DNAH14: variants seen among roughly 807,000 people sequenced by gnomAD.
The protein encoded by DNAH14 is axonemal beta dynein heavy chain 14.
A neutral mutation model predicts 520.9 loss-of-function variants in DNAH14; 478 were observed. The observed-to-expected ratio is 0.92, with a 90% CI of 0.85 to 0.99. The LOEUF is 0.99. DNAH14 is among the 50% of genes least tolerant of loss of function. DNAH14 has a pLI of 0.00. For missense variants in DNAH14, 4,831 were observed against 5,234.5 expected (o/e 0.92, Z 2.38); for synonymous variants, 1,581 against 1,757.2 (o/e 0.90, Z 2.51).
chr1:224,970,188 G>C (rs185620940), intron 7 of DNAH14, among the ~76,000 whole-genome samples: 1 of 152,068 alleles, frequency 6.6e-6, no homozygotes, highest in Non-Finnish European at 1.5e-5. Context: ...TTCGGGGGGC[G>C]GCTGTATTTT....
In DNAH14 at chr1:225,381,363, T is replaced by C. The variant is rs1183000356; in HGVS notation, c.12881-20T>C. On this transcript the variant is annotated intron_variant, in intron 80 of 85. Coordinates refer to ENST00000682510, the MANE Select transcript of DNAH14 (RefSeq NM_001367479.1). ...TTTAATCTGTAAAATATCAAAATTT[T>C]ATTTCTTTTTAAAATCCAGATCACG... is the stretch of plus-strand genomic sequence containing the variant. The C allele has an allele frequency of 1.2e-5, 18 of 1,523,608 alleles. No individual in the cohort carries two copies. The highest frequency in any genetic ancestry group is 1.4e-5 in the African/African-American group (1 of 70,920). 94.4% of individuals were successfully genotyped at this position (1,523,608 alleles called of 1,614,324 possible).
intron 25 of DNAH14, 33 bp downstream of exon 25, chr1:225,118,032 G>C (rs573153132): frequency 7.0e-7 from 1 of 1,419,936 alleles, no homozygotes; most frequent in African/African-American, 1.4e-5. Context: ...TTTAGATTCT[G>C]TACAACGTCA....
In DNAH14 at chr1:225,392,365, C is replaced by A; in HGVS notation, c.13405C>A (p.His4469Asn). The A allele has an allele frequency of 6.4e-7, 1 of 1,552,310 alleles. No homozygotes were observed. Among genetic ancestry groups the A allele is most frequent in the South Asian group, 1.2e-5 (1 of 84,064 alleles). ...TGTGGATGCCCTCACCTTCACCCAC[C>A]ATGTGATTTCCAACACCACTGACAA... ...IAVDALTFTH[H>N]VISNTTDKDE... The change falls in exon 84 of 86, where the codon CAT becomes AAT. Residue 4469 changes from histidine (H) to asparagine (N), a missense_variant. Coordinates refer to ENST00000682510, the MANE Select transcript of DNAH14 (RefSeq NM_001367479.1).
intron 21 of DNAH14, among the ~76,000 whole-genome samples, chr1:225,093,736 AC>A (rs916446338): frequency 6.6e-6 from 1 of 152,188 alleles, no homozygotes; most frequent in Non-Finnish European, 1.5e-5. Context: ...AGAAAATGCC[AC>A]AATTTCTGCA....
At chr1:224,974,965 C>T (rs2061718685) in intron 8 of DNAH14, among the ~76,000 whole-genome samples, 1 of 151,982 alleles carries the variant, frequency 6.6e-6, no homozygotes, top group South Asian at 2.1e-4. Context: ...AAGGCCTTTT[C>T]TGCATCTATT....
chr1:225,157,390 G>A (rs1165881926), intron 34 of DNAH14, among the ~76,000 whole-genome samples: 1 of 152,068 alleles, frequency 6.6e-6, no homozygotes, highest in Non-Finnish European at 1.5e-5. Flanking sequence ...GGTTACATTA[G>A]CTATCTTACG....
chr1:225,190,014 AAAATTCATGTGT>A (rs1219212514), intron 37 of DNAH14, among the ~76,000 whole-genome samples: 1 of 151,814 alleles, frequency 6.6e-6, no homozygotes, highest in Non-Finnish European at 1.5e-5. Flanking sequence ...CCCCCCACCC[AAAATTCATGTGT>A]TAAATCTCCA....
At chr1:225,381,677 A>T in intron 81 of DNAH14, 98 bp downstream of exon 81, 14 of 948,878 alleles carry the variant, frequency 1.5e-5, no homozygotes, top group Non-Finnish European at 2.2e-5. Context: ...TGTGTGATGA[A>T]ATATGTAACT....
chr1:225,090,585 A>T (rs369300971), intron 21 of DNAH14, among the ~76,000 whole-genome samples: 1 of 152,154 alleles, frequency 6.6e-6, no homozygotes, highest in African/African-American at 2.4e-5. Flanking sequence ...TGGACAACTG[A>T]TTTTCAACAA....
chr1:225,111,578 T>A (rs2076481172), intron 23 of DNAH14, among the ~76,000 whole-genome samples: 1 of 152,044 alleles, frequency 6.6e-6, no homozygotes, highest in African/African-American at 2.4e-5. Flanking sequence ...TTTTTTTTAA[T>A]CTATTCAGCC....
chr1:224,949,501 GTT>G (rs1346308326), intron 1 of DNAH14, among the ~76,000 whole-genome samples: 1 of 152,006 alleles, frequency 6.6e-6, no homozygotes, highest in Admixed American at 6.6e-5. Flanking sequence ...CTCTTGATTT[GTT>G]TTGTCTGATT....
chr1:225,308,457 A>G lies in DNAH14; in HGVS notation c.9240+47A>G, dbSNP rs766330633. On this transcript the variant is annotated intron_variant, in intron 60 of 85. Transcript: ENST00000682510. ...TAAAAATAATTTGGAGATTTGAAAA[A>G]GTATTCCCTAACCTTCAAATTTAAA... The G allele has an allele frequency of 1.3e-5, 19 of 1,490,898 alleles. No individual in the cohort carries two copies. The South Asian group carries it at 2.6e-4, about 20-fold the overall frequency. 92.4% of individuals were successfully genotyped at this position (1,490,898 alleles called of 1,614,324 possible).
chr1:225,176,485 T>C (rs1317680582), intron 36 of DNAH14, among the ~76,000 whole-genome samples: 1 of 152,206 alleles, frequency 6.6e-6, no homozygotes, highest in Non-Finnish European at 1.5e-5. Context: ...TTAACTCTTA[T>C]GTTTCTTTAT....
At chr1:225,317,055 C>T (rs762683889) in intron 60 of DNAH14, among the ~76,000 whole-genome samples, 46 of 152,226 alleles carry the variant, frequency 3.0e-4, no homozygotes, top group East Asian at 1.5e-3. Context: ...AATGGCTTTT[C>T]GAGGTTCTTA....
intron 68 of DNAH14, among the ~76,000 whole-genome samples, chr1:225,339,777 T>C (rs1416336775): frequency 6.6e-6 from 1 of 152,164 alleles, no homozygotes; most frequent in Non-Finnish European, 1.5e-5. Context: ...ATTTCACCCT[T>C]CATAAAGTGG....
chr1:225,146,148 A>G (rs2079918575), intron 30 of DNAH14, among the ~76,000 whole-genome samples: 1 of 152,214 alleles, frequency 6.6e-6, no homozygotes. Flanking sequence ...CACATGAGTG[A>G]GGCCAAAAAG....
Position 225,185,213 on chromosome 1 carries a change from G to A in DNAH14, c.5536-78G>A, listed in dbSNP as rs2084544432. Reference sequence around the variant, plus strand: ...TATTATAGCCACAAAAAATAAAATAGTCAATGGATATAGAGATATATTGGT... The same window carrying A: ...TATTATAGCCACAAAAAATAAAATAATCAATGGATATAGAGATATATTGGT... On this transcript the variant is annotated intron_variant, in intron 36 of 85. Transcript: ENST00000682510. 4.3e-6 allele frequency: 6 copies of A among 1,397,812 alleles called. No individual in the cohort carries two copies. The South Asian group carries it at 9.2e-5, about 21-fold the overall frequency. 86.6% of individuals were successfully genotyped at this position (1,397,812 alleles called of 1,614,324 possible).
At chr1:225,129,470 A>C (rs900343230) in intron 27 of DNAH14, among the ~76,000 whole-genome samples, 4 of 151,888 alleles carry the variant, frequency 2.6e-5, no homozygotes, top group Non-Finnish European at 4.4e-5. Flanking sequence ...CAAAACAGAG[A>C]TATAGATCAA....
At position 225,333,416 on chromosome 1, in the gene DNAH14, T is replaced by G. The variant is rs971080930; in HGVS notation, c.9990T>G (p.Ile3330Met). The change falls in exon 66 of 86, where the codon ATT becomes ATG. Residue 3330 changes from isoleucine to methionine, a missense_variant. Ile to Met is a conservative substitution (Grantham distance 10). Transcript: ENST00000682510. ...GILTPEFRQL[I>M]VNKWETFCIE... ...TAACACCAGAATTTCGCCAGTTGAT[T>G]GTGAATAAATGGGAGACATTCTGCA... 12 of 1,551,462 alleles carry G rather than the reference T, an allele frequency of 7.7e-6. No homozygotes were observed. The highest frequency in any genetic ancestry group is 1.7e-4 in the Middle Eastern group (1 of 6,006).
Sources: allele counts gnomAD v4.1 joint callset (sites outside exome capture counted in the v4.1 genomes callset), GRCh38; gene constraint gnomAD v4.1.1; transcripts MANE v1.5; gene names NCBI Gene and HGNC (gene_info 2026-07-23, HGNC 2026-07-21).